CCSER1: variants seen among roughly 807,000 people sequenced by gnomAD.
The protein encoded by CCSER1 is coiled-coil serine rich protein 1, also known as serine-rich coiled-coil domain-containing protein 1.
In CCSER1, 41 loss-of-function variants were observed where a neutral mutation model predicts 82.0. The observed-to-expected ratio is 0.50, with a 90% confidence interval of 0.39 to 0.65. The LOEUF is 0.65. CCSER1 is among the 30% of genes least tolerant of loss of function. CCSER1 has a pLI of 0.00. For missense variants in CCSER1, 1,119 were observed against 1,064.2 expected (o/e 1.05, Z -0.72); for synonymous variants, 414 against 383.9 (o/e 1.08, Z -0.92).
intron 3 of CCSER1, among the ~76,000 whole-genome samples, chr4:90,383,431 A>T (rs577137983): frequency 6.6e-6 from 1 of 152,296 alleles, no homozygotes; most frequent in South Asian, 2.1e-4. Context: ...AGAAAATAGT[A>T]AAAATGGTAG....
At chr4:90,289,217 A>G (rs1730463504) in intron 1 of CCSER1, among the ~76,000 whole-genome samples, 2 of 151,980 alleles carry the variant, frequency 1.3e-5, no homozygotes, top group South Asian at 4.1e-4. Context: ...AAATCAAATA[A>G]GCTAAATATG....
intron 6 of CCSER1, among the ~76,000 whole-genome samples, chr4:90,690,543 C>A (rs1477678635): frequency 6.6e-6 from 1 of 152,064 alleles, no homozygotes; most frequent in Non-Finnish European, 1.5e-5. Flanking sequence ...TATTGTCCTG[C>A]ATGTCAAATA....
chr4:90,327,791 GA>G (rs1738493316), intron 3 of CCSER1, among the ~76,000 whole-genome samples: 1 of 152,156 alleles, frequency 6.6e-6, no homozygotes, highest in African/African-American at 2.4e-5. Flanking sequence ...AATATTTCCA[GA>G]CATTGCCATG....
chr4:90,278,491 C>G (rs554540351), intron 1 of CCSER1, among the ~76,000 whole-genome samples: 80 of 152,164 alleles, frequency 5.3e-4, no homozygotes, highest in African/African-American at 1.9e-3. Context: ...GAATACTATG[C>G]AGCCATAAAA....
At chr4:91,515,448 A>T (rs1760054591) in intron 10 of CCSER1, among the ~76,000 whole-genome samples, 1 of 152,198 alleles carries the variant, frequency 6.6e-6, no homozygotes, top group Non-Finnish European at 1.5e-5. Flanking sequence ...TATAAGGACA[A>T]CAGGCAGTAT....
intron 3 of CCSER1, among the ~76,000 whole-genome samples, chr4:90,391,491 C>T (rs1433358198): frequency 1.1e-5 from 1 of 88,164 alleles, no homozygotes; most frequent in African/African-American, 6.8e-5. Context: ...TATATACACA[C>T]ACACAGTGGG....
At chr4:90,372,498 C>T (rs1279679817) in intron 3 of CCSER1, among the ~76,000 whole-genome samples, 2 of 151,968 alleles carry the variant, frequency 1.3e-5, no homozygotes, top group Non-Finnish European at 2.9e-5. Context: ...GCCTGTAATC[C>T]CAGCATTTTG....
In CCSER1 at chr4:91,178,005, G is replaced by A. The variant is rs536076106; in HGVS notation, c.2217+92011G>A. 3.3e-5 allele frequency among the ~76,000 whole-genome samples: 5 copies of A among 152,262 alleles called. 1 individual carries two copies. The South Asian group carries it at 8.3e-4, about 25-fold the overall frequency. On this transcript the variant is annotated intron_variant, in intron 10 of 10. Coordinates refer to ENST00000509176, the MANE Select transcript of CCSER1 (RefSeq NM_001145065.2). ...AAATGTGTCCCAGAGATTCTGGTATGTTGTGTCTTTGTTCTCATTGGTTTC... is the reference window on the plus strand; with the variant it reads ...AAATGTGTCCCAGAGATTCTGGTATATTGTGTCTTTGTTCTCATTGGTTTC...
At chr4:91,186,104 C>A (rs188541793) in intron 10 of CCSER1, among the ~76,000 whole-genome samples, 1 of 152,140 alleles carries the variant, frequency 6.6e-6, no homozygotes, top group Admixed American at 6.5e-5. Context: ...TCGCTCGAGG[C>A]GCTGCTTGAA....
intron 1 of CCSER1, among the ~76,000 whole-genome samples, chr4:90,184,058 C>T (rs1734175757): frequency 6.6e-6 from 1 of 152,080 alleles, no homozygotes; most frequent in Admixed American, 6.6e-5. Context: ...CTTGAAGTAT[C>T]TAGCACTAGT....
Position 91,297,385 on chromosome 4 carries a change from ATGTGTGTGTGTGTG to A in CCSER1, c.2217+211417_2217+211430del, listed in dbSNP as rs57164334. ...GATGCTTGTGTGTGTGTGTGTGTGT[ATGTGTGTGTGTGTG>A]TGTGTGTGTGTGTGTGTGTGTGTGT... On this transcript the variant is annotated intron_variant, in intron 10 of 10. Transcript: ENST00000509176. Among the ~76,000 whole-genome samples the A allele has an allele frequency of 8.7e-4, 103 of 118,064 alleles. 1 individual carries two copies. The Middle Eastern group carries it at 0.014, about 16-fold the overall frequency. The allele number at this position is 118,064 out of a possible 152,430, so 77.5% of individuals were successfully genotyped here. A position where few individuals can be genotyped will look rare whatever the true frequency, so the allele number is the denominator to read the frequency against.
At chr4:90,895,426 T>A (rs1359929001) in intron 8 of CCSER1, among the ~76,000 whole-genome samples, 1 of 151,924 alleles carries the variant, frequency 6.6e-6, no homozygotes, top group Non-Finnish European at 1.5e-5. Context: ...TACAAGAGAT[T>A]GGTAACATTA....
intron 1 of CCSER1, among the ~76,000 whole-genome samples, chr4:90,212,321 A>G (rs1361855553): frequency 6.6e-6 from 1 of 152,182 alleles, no homozygotes; most frequent in Admixed American, 6.5e-5. Flanking sequence ...ATGGAAACTA[A>G]TGCATTTGAG....
intron 10 of CCSER1, among the ~76,000 whole-genome samples, chr4:91,434,714 T>G (rs1490128876): frequency 6.6e-6 from 1 of 152,160 alleles, no homozygotes; most frequent in East Asian, 1.9e-4. Flanking sequence ...CAGAATATAA[T>G]AGAGACTAAG....
At chr4:90,791,658 G>A (rs1233546711) in intron 7 of CCSER1, among the ~76,000 whole-genome samples, 1 of 152,024 alleles carries the variant, frequency 6.6e-6, no homozygotes, top group African/African-American at 2.4e-5. Flanking sequence ...AGACCATCCT[G>A]GCTAACACAG....
intron 6 of CCSER1, among the ~76,000 whole-genome samples, chr4:90,706,022 T>A (rs149104336): frequency 0.011 from 1,614 of 152,244 alleles, 28 homozygotes; most frequent in African/African-American, 0.036. Flanking sequence ...ATGAACCTGG[T>A]ACCTCAGTTG....
intron 10 of CCSER1, among the ~76,000 whole-genome samples, chr4:91,529,800 TA>T (rs1760934855): frequency 1.3e-5 from 2 of 152,140 alleles, no homozygotes. Context: ...TTCTCTCCTT[TA>T]TTTCATCTCT....
intron 10 of CCSER1, among the ~76,000 whole-genome samples, chr4:91,274,292 T>A (rs1742256614): frequency 6.6e-6 from 1 of 152,212 alleles, no homozygotes; most frequent in African/African-American, 2.4e-5. Flanking sequence ...GTTTAAGATA[T>A]CCTTGCCTTA....
chr4:90,336,325 T>A (rs1740384734), intron 3 of CCSER1, among the ~76,000 whole-genome samples: 1 of 152,226 alleles, frequency 6.6e-6, no homozygotes, highest in Non-Finnish European at 1.5e-5. Context: ...TTAGGATCAC[T>A]GATAATGTGG....
Sources: gnomAD v4.1 joint callset for allele counts (sites outside exome capture counted in the v4.1 genomes callset) on GRCh38, gnomAD v4.1.1 for gene constraint, MANE v1.5 for transcripts, NCBI Gene and HGNC (gene_info 2026-07-23, HGNC 2026-07-21) for gene names.